Variants in CACNA1C observed in about 807,000 individuals in gnomAD.
CACNA1C encodes calcium voltage-gated channel subunit alpha1 C, also known as voltage-dependent L-type calcium channel subunit alpha-1C.
In CACNA1C, 30 loss-of-function variants were observed where a neutral mutation model predicts 229.0. The ratio of observed to expected loss-of-function variants is 0.13; its 90% CI spans 0.10 to 0.18. CACNA1C has a LOEUF of 0.18. Among genes scored for constraint, CACNA1C ranks in the 10% least tolerant of loss-of-function variants. CACNA1C has a pLI of 1.00. For synonymous variants in CACNA1C, 1,114 were observed against 1,132.5 expected (o/e 0.98, Z 0.33); for missense variants, 1,658 against 2,845.0 (o/e 0.58, Z 9.49).
intron 38 of CACNA1C, 27 bp downstream of exon 38, chr12:2,669,062 A>G (rs1246664207): frequency 6.9e-7 from 1 of 1,456,864 alleles, no homozygotes; most frequent in East Asian, 2.3e-5. Flanking sequence ...GCACTGGGAG[A>G]GACACTCAGA....
intron 3 of CACNA1C, among the ~76,000 whole-genome samples, chr12:2,390,055 T>C (rs2098457405): frequency 6.6e-6 from 1 of 152,204 alleles, no homozygotes; most frequent in South Asian, 2.1e-4. Flanking sequence ...TACTACTGAA[T>C]AGAAGTTGAG....
intron 38 of CACNA1C, 174 bp from the exon 39 acceptor site, chr12:2,674,367 G>A: frequency 1.1e-6 from 1 of 886,670 alleles, no homozygotes; most frequent in Middle Eastern, 2.3e-4. Flanking sequence ...GGAAGGGGAA[G>A]AGGAAGGAGG....
chr12:2,283,647 G>C (rs149700395), intron 3 of CACNA1C, among the ~76,000 whole-genome samples: 81 of 152,320 alleles, frequency 5.3e-4, no homozygotes, highest in African/African-American at 1.8e-3. Context: ...TTGGCACATG[G>C]TCTAAAGACA....
rs2153223905 is a variant in CACNA1C at position 2,581,801 on chromosome 12, T to C, written c.2103+4T>C. 6.4e-7 allele frequency: 1 copy of C among 1,563,752 alleles called. No homozygotes were observed. The highest frequency in any genetic ancestry group is 1.4e-5 in the African/African-American group (1 of 73,846). ...GTCCCTCCTCACTGTGTTTCAGGTA[T>C]GGACTCTTCTCTGCTGGGATTCGGA... On this transcript the variant is annotated splice_donor_region_variant and intron_variant, in intron 14 of 46. Transcript: ENST00000399655.
At chr12:2,652,480 T>C (rs370988791) in intron 32 of CACNA1C, among the ~76,000 whole-genome samples, 332 of 152,370 alleles carry the variant, frequency 2.2e-3, no homozygotes, top group African/African-American at 7.6e-3. Flanking sequence ...GGCGGTTTCA[T>C]GCTTCCCTGG....
rs1221296505 is a variant in CACNA1C, at chr12:2,488,855, C to G, written c.916+2593C>G. Among the ~76,000 whole-genome samples, 5 of 152,210 alleles carry G rather than the reference C, an allele frequency of 3.3e-5. No homozygotes were observed. The highest frequency in any genetic ancestry group is 7.3e-5 in the Non-Finnish European group (5 of 68,050). ...TCAGGAGCTTGCTGTCCCTTCGTTC[C>G]CAAACCTGCCGTCTGATCACAAGCC... On this transcript the variant is annotated intron_variant, in intron 6 of 46. Transcript: ENST00000399655. This position sits in a 1 kb window ranked among gnomAD's most constrained non-coding sequence, Gnocchi z 4.0.
At chr12:2,112,442 T>TA (rs5795994) in intron 1 of CACNA1C, among the ~76,000 whole-genome samples, 104,157 of 151,338 alleles carry the variant, frequency 0.69, 36,032 homozygotes, top group East Asian at 0.73. Context: ...TCCGTGAGCC[T>TA]GATGTTCTGT....
chr12:2,571,657 T>G (rs1416612916), intron 13 of CACNA1C, among the ~76,000 whole-genome samples: 1 of 152,224 alleles, frequency 6.6e-6, no homozygotes, highest in East Asian at 1.9e-4. Context: ...AGTAGTAGTA[T>G]TTTCAGATCT....
At chr12:2,324,213 G>A (rs960864804) in intron 3 of CACNA1C, among the ~76,000 whole-genome samples, 1 of 152,194 alleles carries the variant, frequency 6.6e-6, no homozygotes, top group African/African-American at 2.4e-5. Flanking sequence ...AAGCCCGGGG[G>A]ATGGGGCTGA....
Position 2,504,301 on chromosome 12 carries a change from G to A in CACNA1C, c.1114-541G>A. On this transcript the variant is annotated intron_variant, in intron 7 of 46. Coordinates refer to ENST00000399655, the MANE Select transcript of CACNA1C (RefSeq NM_000719.7). This position sits in a 1 kb window ranked among gnomAD's most constrained non-coding sequence, Gnocchi z 6.8. ...CATGGGCGATGCCCTGGGTAACACGGGTAACCTGGTGCACATGAACAAAGC... is the reference window on the plus strand; with the variant it reads ...CATGGGCGATGCCCTGGGTAACACGAGTAACCTGGTGCACATGAACAAAGC... 3.2e-6 allele frequency: 2 copies of A among 631,868 alleles called. No homozygotes were observed. Among genetic ancestry groups the A allele is most frequent in the Non-Finnish European group, 5.8e-6 (2 of 346,276 alleles). 39.1% of individuals were successfully genotyped at this position (631,868 alleles called of 1,614,324 possible).
At chr12:2,311,899 G>C (rs1279809645) in intron 3 of CACNA1C, among the ~76,000 whole-genome samples, 1 of 152,204 alleles carries the variant, frequency 6.6e-6, no homozygotes, top group Non-Finnish European at 1.5e-5. Flanking sequence ...CTTAAAAATG[G>C]TTAACATAGT....
At chr12:2,375,363 G>A (rs917067223) in intron 3 of CACNA1C, among the ~76,000 whole-genome samples, 3 of 152,162 alleles carry the variant, frequency 2.0e-5, no homozygotes, top group Admixed American at 6.5e-5. Context: ...GCCCGGTGTC[G>A]TGGCTCAGCA....
At position 2,605,661 on chromosome 12, in the gene CACNA1C, C is replaced by G. The variant is rs764862438; in HGVS notation, c.3049-18C>G. On this transcript the variant is annotated intron_variant, in intron 23 of 46. Coordinates refer to ENST00000399655, the MANE Select transcript of CACNA1C (RefSeq NM_000719.7). The surrounding 1 kb of genome is among the most constrained non-coding windows in gnomAD (Gnocchi z 6.2). ...TCTCCTGAAGCCACGTCCCTCTCCC[C>G]GTCCCTTCCCACTGCAGCATGTGGT... The G allele has an allele frequency of 6.3e-7, 1 of 1,594,154 alleles. No homozygotes were observed. The highest frequency in any genetic ancestry group is 1.7e-5 in the Admixed American group (1 of 59,966).
Position 2,654,406 on chromosome 12 carries a change from G to T in CACNA1C, c.4140+506G>T, listed in dbSNP as rs926332312. On this transcript the variant is annotated intron_variant, in intron 33 of 46. Transcript: ENST00000399655. The surrounding 1 kb of genome is among the most constrained non-coding windows in gnomAD (Gnocchi z 4.4). The stretch of plus-strand genomic sequence containing the variant: ...CAAGGTTCACCGCATCAAATGTGCA[G>T]CAGTTTTCTGGGGCCTCCCCTCCCA... Among the ~76,000 whole-genome samples the T allele has an allele frequency of 6.6e-6, 1 of 152,186 alleles. No individual in the cohort carries two copies. The highest frequency in any genetic ancestry group is 6.5e-5 in the Admixed American group (1 of 15,282).
At chr12:2,380,103 G>A (rs549447825) in intron 3 of CACNA1C, among the ~76,000 whole-genome samples, 3 of 151,640 alleles carry the variant, frequency 2.0e-5, no homozygotes, top group Non-Finnish European at 4.4e-5. Context: ...CCCCACCCAC[G>A]TGATGGTCAA....
At chr12:2,547,273 A>T (rs776883051) in intron 9 of CACNA1C, among the ~76,000 whole-genome samples, 8 of 152,048 alleles carry the variant, frequency 5.3e-5, no homozygotes, top group Non-Finnish European at 7.4e-5. Context: ...CTATTGTGTT[A>T]TGTTTTCCTG....
intron 38 of CACNA1C, chr12:2,672,236 C>T (rs901829588): frequency 6.6e-6 from 1 of 152,178 alleles, no homozygotes; most frequent in Non-Finnish European, 1.5e-5. Flanking sequence ...CCAAGCCAAA[C>T]AAGCTTCTCT....
intron 3 of CACNA1C, among the ~76,000 whole-genome samples, chr12:2,330,172 C>T (rs1254896810): frequency 6.6e-6 from 1 of 152,162 alleles, no homozygotes; most frequent in African/African-American, 2.4e-5. Context: ...CTCTCACCTT[C>T]CCTCCCTCTC....
intron 3 of CACNA1C, among the ~76,000 whole-genome samples, chr12:2,178,893 C>G (rs2096748055): frequency 6.6e-6 from 1 of 152,116 alleles, no homozygotes. Flanking sequence ...AAAACCCTGT[C>G]TGTACTAAAA....
Sources: allele counts gnomAD v4.1 joint callset (sites outside exome capture counted in the v4.1 genomes callset), GRCh38; gene constraint gnomAD v4.1.1; non-coding constraint Gnocchi (gnomAD v3.1); transcripts MANE v1.5; gene names NCBI Gene and HGNC (gene_info 2026-07-23, HGNC 2026-07-21).